CDH13: variants seen among roughly 807,000 people sequenced by gnomAD.
The protein encoded by CDH13 is cadherin 13, also known as cadherin-13.
Under a neutral mutation model 63.8 loss-of-function variants are expected in CDH13, and 24 were observed. That is an observed-to-expected ratio of 0.38 (90% CI 0.27 to 0.53). CDH13 has a LOEUF of 0.53. Among genes scored for constraint, CDH13 ranks in the 20% least tolerant of loss-of-function variants. CDH13 has a pLI of 0.85. For missense variants in CDH13, 1,049 were observed against 903.1 expected, an observed-to-expected ratio of 1.16 and a Z score of -2.07; for synonymous variants, 503 against 355.3, an observed-to-expected ratio of 1.42 and a Z score of -4.67.
chr16:82,920,977 A>G (rs1409777734), intron 2 of CDH13, among the ~76,000 whole-genome samples: 1 of 152,162 alleles, frequency 6.6e-6, no homozygotes, highest in African/African-American at 2.4e-5. Context: ...TTTTTTCTGC[A>G]TCTTTTGAGA....
intron 10 of CDH13, among the ~76,000 whole-genome samples, chr16:83,682,589 C>T (rs541996751): frequency 3.3e-5 from 5 of 152,236 alleles, no homozygotes; most frequent in Non-Finnish European, 7.4e-5. Context: ...TGTGCGGTCA[C>T]CACAGTTGCT....
intron 7 of CDH13, among the ~76,000 whole-genome samples, chr16:83,561,773 G>T (rs1327496117): frequency 6.6e-6 from 1 of 152,194 alleles, no homozygotes; most frequent in Non-Finnish European, 1.5e-5. Context: ...TGTGCCTGCT[G>T]ATTGCTGTAG....
In CDH13 at chr16:82,916,144, C is replaced by T. The variant is rs2041979812; in HGVS notation, c.157+57671C>T. 2.0e-5 allele frequency among the ~76,000 whole-genome samples: 3 copies of T among 152,096 alleles called. No individual in the cohort carries two copies. In the South Asian group the frequency reaches 6.2e-4, roughly 32 times the overall value. On this transcript the variant is annotated intron_variant, in intron 2 of 13. Coordinates refer to ENST00000567109, the MANE Select transcript of CDH13 (RefSeq NM_001257.5). The stretch of plus-strand genomic sequence containing the variant: ...GAGTCCAAAGTTCAATTCCATAAAG[C>T]AAGCGTTTATTTGTCACTTTCAATA...
At chr16:82,842,019 C>T (rs991597722) in intron 1 of CDH13, among the ~76,000 whole-genome samples, 2 of 149,064 alleles carry the variant, frequency 1.3e-5, no homozygotes, top group African/African-American at 2.5e-5. Context: ...CCCTTGGGTA[C>T]CCCTCACTGC....
chr16:83,007,299 C>G (rs951858387), intron 2 of CDH13, among the ~76,000 whole-genome samples: 1 of 152,174 alleles, frequency 6.6e-6, no homozygotes, highest in Non-Finnish European at 1.5e-5. Context: ...GACAGGTGAT[C>G]TATGAATGCT....
chr16:83,437,094 G>A (rs549291212), intron 6 of CDH13, among the ~76,000 whole-genome samples: 1 of 151,950 alleles, frequency 6.6e-6, no homozygotes, highest in African/African-American at 2.4e-5. Flanking sequence ...TTTTTTCCCA[G>A]TAGTAGGCTG....
intron 10 of CDH13, among the ~76,000 whole-genome samples, chr16:83,695,132 G>A (rs1476292094): frequency 3.3e-5 from 5 of 152,094 alleles, no homozygotes; most frequent in Admixed American, 6.5e-5. Context: ...GCTTGAATCC[G>A]GGAGGTGGAG....
At position 83,137,159 on chromosome 16, in the gene CDH13, G is replaced by A. The variant is rs145958944; in HGVS notation, c.483+11658G>A. 7.2e-5 allele frequency among the ~76,000 whole-genome samples: 11 copies of A among 152,340 alleles called. No individual in the cohort carries two copies. The East Asian group carries it at 1.2e-3, about 16-fold the overall frequency. ...ACCCACCTGTTCACCCCGGGTTGCA[G>A]CTGGTCTCATGCCCAGTTTAGCAGT... is the stretch of plus-strand genomic sequence containing the variant. On this transcript the variant is annotated intron_variant, in intron 4 of 13. Coordinates refer to ENST00000567109, the MANE Select transcript of CDH13 (RefSeq NM_001257.5).
At chr16:83,453,818 C>T (rs563503494) in intron 6 of CDH13, among the ~76,000 whole-genome samples, 19 of 152,312 alleles carry the variant, frequency 1.2e-4, no homozygotes, top group Non-Finnish European at 2.5e-4. Context: ...CACAGCCTCC[C>T]CAAATCAGCC....
At chr16:83,089,822 C>T (rs763870646) in intron 3 of CDH13, among the ~76,000 whole-genome samples, 10 of 152,166 alleles carry the variant, frequency 6.6e-5, no homozygotes, top group Non-Finnish European at 1.5e-4. Flanking sequence ...CAGATTTTCA[C>T]GTGCATACAG....
intron 1 of CDH13, among the ~76,000 whole-genome samples, chr16:82,672,963 C>T (rs935059428): frequency 6.2e-5 from 9 of 145,430 alleles, no homozygotes; most frequent in Non-Finnish European, 1.4e-4. Flanking sequence ...CGCAGGATTG[C>T]GTGCCACCAT....
intron 1 of CDH13, among the ~76,000 whole-genome samples, chr16:82,670,398 A>G (rs921570642): frequency 2.0e-5 from 3 of 152,158 alleles, no homozygotes; most frequent in African/African-American, 7.2e-5. Flanking sequence ...TCACGCACCT[A>G]TGGGTGTGAA....
rs1171462842 is a variant in CDH13 at position 82,838,309 on chromosome 16, A to T, written c.46-20053A>T. Among the ~76,000 whole-genome samples the T allele has an allele frequency of 3.3e-5, 5 of 152,214 alleles. 1 individual carries two copies. The highest frequency in any genetic ancestry group is 7.3e-5 in the Non-Finnish European group (5 of 68,046). ...GGAGGATATATTTTTCTGGCAGAAGAACATGCCCGTCCTATTTATTGTGTT... is the reference window on the plus strand; with the variant it reads ...GGAGGATATATTTTTCTGGCAGAAGTACATGCCCGTCCTATTTATTGTGTT... On this transcript the variant is annotated intron_variant, in intron 1 of 13. Transcript: ENST00000567109.
At chr16:83,068,637 C>T (rs910666812) in intron 3 of CDH13, among the ~76,000 whole-genome samples, 19 of 152,130 alleles carry the variant, frequency 1.2e-4, no homozygotes, top group African/African-American at 4.6e-4. Flanking sequence ...AACATACTGG[C>T]CTCCATGGTC....
Position 82,759,140 on chromosome 16 carries a change from G to A in CDH13, c.46-99222G>A, listed in dbSNP as rs956436115. On this transcript the variant is annotated intron_variant, in intron 1 of 13. Transcript: ENST00000567109. The stretch of plus-strand genomic sequence containing the variant: ...TTGAGAGTCAGTGGATAAATGGCCC[G>A]GCTTCCTGTGAGACAATTGTGAGTC... Among the ~76,000 whole-genome samples, 17 of 152,164 alleles carry A rather than the reference G, an allele frequency of 1.1e-4. 1 individual carries two copies. In the South Asian group the frequency reaches 2.3e-3, roughly 20 times the overall value.
chr16:82,696,712 T>A (rs1005198777), intron 1 of CDH13, among the ~76,000 whole-genome samples: 2 of 152,244 alleles, frequency 1.3e-5, no homozygotes, highest in African/African-American at 4.8e-5. Context: ...ATGCTATCTA[T>A]GTATGTTAAT....
At chr16:83,146,288 T>C (rs919600566) in intron 4 of CDH13, among the ~76,000 whole-genome samples, 6 of 152,164 alleles carry the variant, frequency 3.9e-5, no homozygotes, top group African/African-American at 1.4e-4. Context: ...GGATAGCAAC[T>C]GCAGAGGCCC....
chr16:82,804,166 T>A (rs1454865842), intron 1 of CDH13, among the ~76,000 whole-genome samples: 1 of 151,702 alleles, frequency 6.6e-6, no homozygotes. Context: ...AGGTGGAGGT[T>A]GCAGTGAGCT....
intron 5 of CDH13, among the ~76,000 whole-genome samples, chr16:83,337,165 C>T (rs540784050): frequency 6.6e-5 from 10 of 152,276 alleles, no homozygotes; most frequent in African/African-American, 1.9e-4. Flanking sequence ...AATTAATTGG[C>T]TTGAAGAATC....
Sources: gnomAD v4.1 joint callset for allele counts (sites outside exome capture counted in the v4.1 genomes callset) on GRCh38, gnomAD v4.1.1 for gene constraint, MANE v1.5 for transcripts, NCBI Gene and HGNC (gene_info 2026-07-23, HGNC 2026-07-21) for gene names.